The following RAB38 variants were observed in gnomAD, a reference collection of about 807,000 sequenced individuals.
The protein encoded by RAB38 is RAB38, member RAS oncogene family, also known as ras-related protein Rab-38.
A neutral mutation model predicts 18.4 loss-of-function variants in RAB38; 15 were observed. The observed-to-expected ratio is 0.82, with a 90% CI of 0.55 to 1.26. The LOEUF is 1.26. Among genes scored for constraint, RAB38 ranks in the 50% most tolerant of loss-of-function variants. The probability of loss-of-function intolerance (pLI) is 0.00; values close to 1 mark genes in which losing one functional copy is unlikely to be tolerated. For synonymous variants in RAB38, 101 were observed against 104.4 expected, an observed-to-expected ratio of 0.97 and a Z score of 0.20; for missense variants, 294 against 267.4, an observed-to-expected ratio of 1.10 and a Z score of -0.69.
the RAB38 span, among the ~76,000 whole-genome samples, chr11:87,841,556 C>A: frequency 3.9e-5 from 6 of 152,136 alleles, no homozygotes; most frequent in African/African-American, 1.4e-4. Context: ...GTATCCCTTC[C>A]AGCAGAAGAG....
the RAB38 span, among the ~76,000 whole-genome samples, chr11:87,934,064 C>T: frequency 6.6e-6 from 1 of 152,214 alleles, no homozygotes; most frequent in South Asian, 2.1e-4. Context: ...AGCCAATAAC[C>T]TTCCAGCATC....
chr11:88,138,270 G>A (rs1942860263), intron 2 of RAB38, among the ~76,000 whole-genome samples: 1 of 152,120 alleles, frequency 6.6e-6, no homozygotes, highest in East Asian at 1.9e-4. Context: ...AAAACATTAA[G>A]GAATATTCAT....
At chr11:87,910,161 T>C in the RAB38 span, among the ~76,000 whole-genome samples, 1 of 151,502 alleles carries the variant, frequency 6.6e-6, no homozygotes, top group African/African-American at 2.4e-5. Flanking sequence ...TACTAACTAA[T>C]TATGTTGAGC....
chr11:88,022,626 A>AAAAAC, the RAB38 span, among the ~76,000 whole-genome samples: 1 of 150,612 alleles, frequency 6.6e-6, no homozygotes, highest in East Asian at 1.9e-4. Context: ...AAAAAAAAAA[A>AAAAAC]AAAAAACAAC....
chr11:88,026,365 C>A, the RAB38 span, among the ~76,000 whole-genome samples: 2 of 151,340 alleles, frequency 1.3e-5, no homozygotes, highest in Admixed American at 1.3e-4. Context: ...AGATCGAGAC[C>A]ATCCTGGCTA....
the RAB38 span, among the ~76,000 whole-genome samples, chr11:87,822,629 G>A: frequency 6.6e-6 from 1 of 152,162 alleles, no homozygotes; most frequent in Non-Finnish European, 1.5e-5. Context: ...CCCAGGGCAA[G>A]CAATCCAAAA....
the RAB38 span, among the ~76,000 whole-genome samples, chr11:87,948,181 AT>A: frequency 2.6e-5 from 4 of 152,200 alleles, no homozygotes; most frequent in South Asian, 6.2e-4. Context: ...TTCATTCATG[AT>A]TTGGCTCTCT....
chr11:88,063,610 G>T, the RAB38 span, among the ~76,000 whole-genome samples: 2 of 152,154 alleles, frequency 1.3e-5, no homozygotes, highest in African/African-American at 4.8e-5. Flanking sequence ...ATCTCATCTT[G>T]AACTGTAGTA....
chr11:87,947,421 G>T, the RAB38 span, among the ~76,000 whole-genome samples: 4 of 152,060 alleles, frequency 2.6e-5, no homozygotes, highest in South Asian at 2.1e-4. Context: ...TTTTGGCTTT[G>T]GTTGCCATTG....
the RAB38 span, among the ~76,000 whole-genome samples, chr11:88,039,687 C>T: frequency 2.0e-5 from 3 of 152,134 alleles, no homozygotes; most frequent in African/African-American, 4.8e-5. Context: ...GAGGTAGGCT[C>T]AACAATAGGA....
At chr11:88,123,664 G>A (rs1157413329) in intron 2 of RAB38, among the ~76,000 whole-genome samples, 2 of 152,138 alleles carry the variant, frequency 1.3e-5, no homozygotes, top group Non-Finnish European at 2.9e-5. Context: ...ATATTCTGTT[G>A]CTCCACAGGT....
the RAB38 span, among the ~76,000 whole-genome samples, chr11:88,107,965 T>C: frequency 1.3e-5 from 2 of 152,314 alleles, no homozygotes; most frequent in South Asian, 4.1e-4. Flanking sequence ...CTAATTTGAT[T>C]GCACTGTGGT....
the RAB38 span, among the ~76,000 whole-genome samples, chr11:88,086,637 C>T: frequency 6.6e-6 from 1 of 151,844 alleles, no homozygotes; most frequent in African/African-American, 2.4e-5. Context: ...ATGACCAATT[C>T]TGTGTTTGAA....
At chr11:88,110,978 T>C (rs1942466454), downstream of RAB38, among the ~76,000 whole-genome samples, 1 of 151,906 alleles carries the variant, frequency 6.6e-6, no homozygotes, top group Admixed American at 6.6e-5. Context: ...CTGTCTCTAC[T>C]AAAAATGAAA....
chr11:88,048,187 A>G, the RAB38 span, among the ~76,000 whole-genome samples: 1 of 152,186 alleles, frequency 6.6e-6, no homozygotes. Flanking sequence ...GAGTCAGGAA[A>G]CTAAAATACC....
the RAB38 span, among the ~76,000 whole-genome samples, chr11:87,977,511 G>A: frequency 1.6e-4 from 15 of 90,924 alleles, 1 homozygote; most frequent in African/African-American, 1.8e-4. Flanking sequence ...ATATGATTAT[G>A]TAATTATATA....
chr11:87,838,677 G>A, the RAB38 span, among the ~76,000 whole-genome samples: 1 of 152,186 alleles, frequency 6.6e-6, no homozygotes, highest in East Asian at 1.9e-4. Context: ...CAGTGATGTG[G>A]GTGTATCTGA....
At chr11:88,145,374 C>T (rs957473731) in intron 2 of RAB38, among the ~76,000 whole-genome samples, 1 of 152,040 alleles carries the variant, frequency 6.6e-6, no homozygotes, top group Non-Finnish European at 1.5e-5. Flanking sequence ...GTCTCGAACT[C>T]CTGACTTCGT....
chr11:88,079,128 A>G, the RAB38 span, among the ~76,000 whole-genome samples: 3 of 151,898 alleles, frequency 2.0e-5, no homozygotes, highest in African/African-American at 7.2e-5. Flanking sequence ...CTAAAAAACA[A>G]TAGAGAAAAC....
Sources: allele counts gnomAD v4.1 joint callset (sites outside exome capture counted in the v4.1 genomes callset), GRCh38; gene constraint gnomAD v4.1.1; transcripts MANE v1.5; gene names NCBI Gene and HGNC (gene_info 2026-07-23, HGNC 2026-07-21).